TIMM23: variants seen among roughly 807,000 people sequenced by gnomAD.
TIMM23 encodes the protein translocase of inner mitochondrial membrane 23.
Under a neutral mutation model 30.7 loss-of-function variants are expected in TIMM23, and 19 were observed. The ratio of observed to expected loss-of-function variants is 0.62; its 90% CI spans 0.43 to 0.91. The LOEUF (loss-of-function observed/expected upper bound fraction) is 0.91, where lower values mean the gene tolerates loss of function less well. Among genes scored for constraint, TIMM23 ranks in the 40% least tolerant of loss-of-function variants. TIMM23 has a pLI of 0.00. For missense variants in TIMM23, 202 were observed against 269.2 expected (o/e 0.75, Z 1.75); for synonymous variants, 78 against 98.5 (o/e 0.79, Z 1.23).
chr10:45,972,646 G>A lies in TIMM23; in HGVS notation c.22G>A (p.Gly8Ser). 1.2e-6 allele frequency: 2 copies of A among 1,613,982 alleles called. No homozygotes were observed. The highest frequency in any genetic ancestry group is 1.7e-6 in the Non-Finnish European group (2 of 1,179,868). ...TACCATGGAAGGAGGCGGGGGAAGC[G>A]GCAACAAAACCACAGGGGGATTGGC... MEGGGGS[G>S]NKTTGGLAGF... Residue 8 changes from glycine to serine, a missense_variant, in exon 1 of 7, where the codon GGC (glycine) becomes AGC (serine). Physicochemically the swap from Gly to Ser is moderately conservative, Grantham distance 56. Transcript: ENST00000580018.
chr10:45,984,537 G>A (rs1239184048), intron 4 of TIMM23: 1 of 152,374 alleles, frequency 6.6e-6, no homozygotes, highest in African/African-American at 2.4e-5. Context: ...TGTTTCTGTA[G>A]AACATTAATT....
At chr10:45,986,903 TC>T (rs1219807052) in intron 5 of TIMM23, among the ~76,000 whole-genome samples, 1 of 152,130 alleles carries the variant, frequency 6.6e-6, no homozygotes, top group Non-Finnish European at 1.5e-5. Flanking sequence ...TCCTGAGACT[TC>T]CTAGCGGTAC....
chr10:45,984,793 A>G (rs1172017690), intron 4 of TIMM23: 10 of 308,008 alleles, frequency 3.2e-5, no homozygotes, highest in Non-Finnish European at 5.7e-5. Context: ...GCTTGGTTCT[A>G]GTCTAGGAGC....
chr10:45,973,134 G>A (rs1265253008), intron 1 of TIMM23, among the ~76,000 whole-genome samples: 43 of 151,684 alleles, frequency 2.8e-4, no homozygotes, highest in Admixed American at 1.2e-3. Context: ...GAGCCTCCAA[G>A]TAGCCGTCAG....
intron 5 of TIMM23, among the ~76,000 whole-genome samples, chr10:45,986,061 A>G (rs1287902101): frequency 6.6e-6 from 1 of 152,174 alleles, no homozygotes; most frequent in East Asian, 1.9e-4. Context: ...AAATTTTCCT[A>G]CTGTATGAAC....
chr10:45,982,472 G>C (rs1473571816), intron 2 of TIMM23, 51 bp from the exon 3 acceptor site: 5 of 1,590,056 alleles, frequency 3.1e-6, no homozygotes, highest in Non-Finnish European at 4.3e-6. Context: ...AACTTTACAA[G>C]ATTTGTGTCT....
At chr10:45,982,420 G>A (rs1395291870) in intron 2 of TIMM23, 103 bp from the exon 3 acceptor site, 2 of 1,207,232 alleles carry the variant, frequency 1.7e-6, no homozygotes, top group Non-Finnish European at 1.2e-6. Context: ...TTAATTTAAG[G>A]TTTATTTTCT....
At chr10:45,976,945 T>C (rs1355936432) in intron 2 of TIMM23, among the ~76,000 whole-genome samples, 3 of 152,184 alleles carry the variant, frequency 2.0e-5, no homozygotes, top group African/African-American at 7.2e-5. Flanking sequence ...AAGTTCAATA[T>C]ACATAAATCA....
chr10:45,972,633 A>G lies in TIMM23; in HGVS notation c.9A>G (p.Gly3=). 9 of 1,613,828 alleles carry G rather than the reference A, an allele frequency of 5.6e-6. No individual in the cohort carries two copies. The highest frequency in any genetic ancestry group is 7.6e-6 in the Non-Finnish European group (9 of 1,179,818). ...CGGTTTGCTGCGATACCATGGAAGGAGGCGGGGGAAGCGGCAACAAAACCA... is the reference window on the plus strand; with the variant it reads ...CGGTTTGCTGCGATACCATGGAAGGGGGCGGGGGAAGCGGCAACAAAACCA... ME[G]GGGSGNKTTG... is the part of the protein sequence containing the mutation. Residue 3 remains glycine, a synonymous_variant, in exon 1 of 7, where the codon GGA becomes GGG. Transcript: ENST00000580018.
chr10:45,975,378 G>A (rs61849463), intron 1 of TIMM23, 76 bp from the exon 2 acceptor site: 842,888 of 1,506,072 alleles, frequency 0.56, 239,768 homozygotes, highest in Admixed American at 0.71. Flanking sequence ...ACATGTAACA[G>A]TCAGGAGCTG....
chr10:45,975,421 T>C, intron 1 of TIMM23, 33 bp from the exon 2 acceptor site: 7 of 1,613,102 alleles, frequency 4.3e-6, no homozygotes, highest in Non-Finnish European at 5.9e-6. Flanking sequence ...TTAAAGAATT[T>C]TGTTGCAATG....
At chr10:45,976,472 G>A (rs868975056) in intron 2 of TIMM23, among the ~76,000 whole-genome samples, 8 of 148,734 alleles carry the variant, frequency 5.4e-5, no homozygotes, top group African/African-American at 1.5e-4. Flanking sequence ...TTAGCCAGGC[G>A]TGGTGGTGCC....
intron 6 of TIMM23, among the ~76,000 whole-genome samples, chr10:45,993,681 A>C (rs2132274129): frequency 6.6e-6 from 1 of 152,186 alleles, no homozygotes; most frequent in East Asian, 1.9e-4. Flanking sequence ...AATGAAGAGA[A>C]TAAATGAAAT....
chr10:45,972,498 C>G lies in TIMM23; in HGVS notation c.-127C>G, dbSNP rs1837517323. The G allele has an allele frequency of 2.1e-6, 3 of 1,425,404 alleles. No homozygotes were observed. Among genetic ancestry groups the G allele is most frequent in the South Asian group, 1.4e-5 (1 of 71,244 alleles). The allele number at this position is 1,425,404 out of a possible 1,614,324, so 88.3% of individuals were successfully genotyped here. ...TGTGGCGCTTAACGGGAACCGGCGC[C>G]CGGAAGGTCAGCGTGTGAAGTAGGC... On this transcript the variant is annotated 5_prime_UTR_variant, in exon 1 of 7. Coordinates refer to ENST00000580018, the MANE Select transcript of TIMM23 (RefSeq NM_006327.4).
At chr10:46,003,109 A>G (rs1434910779) in intron 6 of TIMM23, 94 bp from the exon 7 acceptor site, 2 of 1,012,486 alleles carry the variant, frequency 2.0e-6, no homozygotes, top group African/African-American at 3.2e-5. Flanking sequence ...CACCGTGCCC[A>G]GCCCATTTCA....
At chr10:45,981,964 T>C (rs1378810211) in intron 2 of TIMM23, among the ~76,000 whole-genome samples, 7 of 152,178 alleles carry the variant, frequency 4.6e-5, no homozygotes, top group Admixed American at 2.0e-4. Flanking sequence ...ACATTTTGTG[T>C]ATGCAATTAC....
intron 6 of TIMM23, among the ~76,000 whole-genome samples, chr10:45,992,179 T>G (rs1322638783): frequency 6.6e-6 from 1 of 152,142 alleles, no homozygotes; most frequent in Non-Finnish European, 1.5e-5. Flanking sequence ...GGTCTTGCTA[T>G]GTTACCCAGG....
chr10:45,973,184 A>AT (rs1837550369), intron 1 of TIMM23, among the ~76,000 whole-genome samples: 3 of 152,034 alleles, frequency 2.0e-5, no homozygotes. Flanking sequence ...GTGAGAAATA[A>AT]ATGACTTGGG....
At position 46,001,253 on chromosome 10, in the gene TIMM23, A is replaced by T. The variant is rs186555083; in HGVS notation, c.515-1950A>T. On this transcript the variant is annotated intron_variant, in intron 6 of 6. Transcript: ENST00000580018. ...TTTAATTGCTGTGCCTACAGTCTGA[A>T]TATGGCAAGTTCACAAAGAGATGAT... 5.3e-5 allele frequency among the ~76,000 whole-genome samples: 8 copies of T among 152,328 alleles called. No homozygotes were observed. The East Asian group carries it at 1.5e-3, about 29-fold the overall frequency.
Sources: allele counts gnomAD v4.1 joint callset (sites outside exome capture counted in the v4.1 genomes callset), GRCh38; gene constraint gnomAD v4.1.1; transcripts MANE v1.5; gene names NCBI Gene and HGNC (gene_info 2026-07-23, HGNC 2026-07-21).